Variants in METTL8 observed in about 807,000 individuals in gnomAD.
The protein encoded by METTL8 is tRNA N(3)-cytidine methyltransferase METTL8, mitochondrial.
METTL8 carries 32 observed loss-of-function variants against 48.7 expected under a neutral mutation model. The observed-to-expected ratio is 0.66, with a 90% CI of 0.50 to 0.88. The LOEUF (loss-of-function observed/expected upper bound fraction) is 0.88, where lower values mean the gene tolerates loss of function less well. Among genes scored for constraint, METTL8 ranks in the 40% least tolerant of loss-of-function variants. The pLI is 0.00. For missense variants in METTL8, 464 were observed against 474.4 expected, an observed-to-expected ratio of 0.98 and a Z score of 0.20; for synonymous variants, 136 against 157.1, an observed-to-expected ratio of 0.87 and a Z score of 1.01.
chr2:171,429,122 CAA>C (rs113670837), intron 1 of METTL8, among the ~76,000 whole-genome samples: 13 of 139,532 alleles, frequency 9.3e-5, no homozygotes, highest in African/African-American at 2.8e-4. Context: ...AAAAATCTTT[CAA>C]AAAAAAAAAA....
chr2:171,320,004 T>C lies in METTL8; in HGVS notation c.*4168A>G, dbSNP rs1459367347. 3.3e-5 allele frequency: 5 copies of C among 152,196 alleles called. No homozygotes were observed. The highest frequency in any genetic ancestry group is 1.2e-4 in the African/African-American group (5 of 41,454). 9.4% of individuals were successfully genotyped at this position (152,196 alleles called of 1,614,324 possible). A position where few individuals can be genotyped will look rare whatever the true frequency, so the allele number is the denominator to read the frequency against. ...GCCTAACCAACTGGTCCTAGCTTTA[T>C]GGATGTGAGGGGTAAATTAGAATTT... On this transcript the variant is annotated 3_prime_UTR_variant, in exon 10 of 10. Coordinates refer to ENST00000375258, the MANE Select transcript of METTL8 (RefSeq NM_001321154.2).
At chr2:171,404,760 G>A (rs1021579710) in intron 1 of METTL8, among the ~76,000 whole-genome samples, 2 of 152,088 alleles carry the variant, frequency 1.3e-5, no homozygotes, top group Admixed American at 6.6e-5. Flanking sequence ...TGGGACCAGG[G>A]CATGTGTAGC....
chr2:171,373,379 A>G (rs1686584337), intron 2 of METTL8, among the ~76,000 whole-genome samples: 1 of 152,174 alleles, frequency 6.6e-6, no homozygotes, highest in Non-Finnish European at 1.5e-5. Flanking sequence ...TCTGGATATT[A>G]GCCCTCTGTC....
At chr2:171,412,813 T>G (rs1368213225) in intron 1 of METTL8, among the ~76,000 whole-genome samples, 1 of 152,120 alleles carries the variant, frequency 6.6e-6, no homozygotes, top group Admixed American at 6.6e-5. Flanking sequence ...AACTTTGGTA[T>G]TTTCTCAAAA....
rs138279867 is a variant in METTL8, at chr2:171,359,357, T to G, written c.235+1065A>C. Reference sequence around the variant, plus strand: ...TAGCGTATATCAAAAAGACAGGGAATAATGAATGGATGCTGGTGAGGATGT... The same window carrying G: ...TAGCGTATATCAAAAAGACAGGGAAGAATGAATGGATGCTGGTGAGGATGT... On this transcript the variant is annotated intron_variant, in intron 3 of 9. Coordinates refer to ENST00000375258, the MANE Select transcript of METTL8 (RefSeq NM_001321154.2). Among the ~76,000 whole-genome samples the G allele has an allele frequency of 3.3e-4, 50 of 152,196 alleles. 1 individual carries two copies. The East Asian group carries it at 4.6e-3, about 14-fold the overall frequency.
At chr2:171,333,994 G>A (rs1685819018) in intron 5 of METTL8, among the ~76,000 whole-genome samples, 1 of 152,024 alleles carries the variant, frequency 6.6e-6, no homozygotes, top group Admixed American at 6.5e-5. Flanking sequence ...AATTGTTGTT[G>A]CTATTATTAT....
At chr2:171,393,860 T>C (rs1197899281) in intron 1 of METTL8, among the ~76,000 whole-genome samples, 1 of 152,232 alleles carries the variant, frequency 6.6e-6, no homozygotes, top group Non-Finnish European at 1.5e-5. Context: ...CAGCTCTTTG[T>C]ACTTTTAAAC....
intron 1 of METTL8, among the ~76,000 whole-genome samples, chr2:171,431,595 A>C (rs745348830): frequency 6.6e-5 from 10 of 152,188 alleles, no homozygotes; most frequent in Admixed American, 1.3e-4. Flanking sequence ...TTGTTAGTGT[A>C]ATCTCATTCT....
intron 2 of METTL8, among the ~76,000 whole-genome samples, chr2:171,372,932 C>T (rs1399783957): frequency 5.9e-5 from 9 of 152,160 alleles, no homozygotes; most frequent in South Asian, 4.2e-4. Context: ...TGAATAGTGC[C>T]GCAATAAACA....
At chr2:171,333,361 G>A (rs1207212841) in intron 5 of METTL8, among the ~76,000 whole-genome samples, 2 of 152,172 alleles carry the variant, frequency 1.3e-5, no homozygotes, top group African/African-American at 2.4e-5. Context: ...GACTCCCAAA[G>A]TGCTGGGATT....
intron 1 of METTL8, among the ~76,000 whole-genome samples, chr2:171,397,585 A>C (rs1302254124): frequency 6.8e-6 from 1 of 146,612 alleles, no homozygotes; most frequent in African/African-American, 2.5e-5. Context: ...AGAGAGAGAG[A>C]GAGGGAAGGA....
rs200347847 is a variant in METTL8 at position 171,363,792 on chromosome 2, T to TTATATATATATATATATATATA, written c.144-3301_144-3280dup. Among the ~76,000 whole-genome samples, 237 of 97,378 alleles carry TTATATATATATATATATATATA rather than the reference T, an allele frequency of 2.4e-3. 4 individuals are homozygous for TTATATATATATATATATATATA. The highest frequency in any genetic ancestry group is 5.5e-3 in the African/African-American group (135 of 24,360). 63.9% of individuals were successfully genotyped at this position (97,378 alleles called of 152,430 possible). Reference sequence around the variant, plus strand: ...GGTTAAAAAAGTACATCCCCAAATTTTATATATATATATATATATATATCT... The same window carrying TTATATATATATATATATATATA: ...GGTTAAAAAAGTACATCCCCAAATTTTATATATATATATATATATATATATATATATATATATATATATATCT... On this transcript the variant is annotated intron_variant, in intron 2 of 9. Transcript: ENST00000375258.
chr2:171,324,419 C>G (rs1684720884), intron 9 of METTL8, 57 bp from the exon 10 acceptor site: 1 of 1,435,566 alleles, frequency 7.0e-7, no homozygotes, highest in African/African-American at 1.4e-5. Context: ...TGGGGGAGGT[C>G]AGGAGTAGAA....
chr2:171,341,552 TCC>T (rs1225121272), intron 3 of METTL8, among the ~76,000 whole-genome samples: 1 of 150,378 alleles, frequency 6.6e-6, no homozygotes, highest in Non-Finnish European at 1.5e-5. Context: ...TCCTTTTTTT[TCC>T]CTTTTTTTTT....
At chr2:171,389,897 CA>C (rs1350366003) in intron 2 of METTL8, among the ~76,000 whole-genome samples, 2 of 152,016 alleles carry the variant, frequency 1.3e-5, no homozygotes, top group East Asian at 1.9e-4. Context: ...CACTAAAAAA[CA>C]AACTTTCAAT....
rs980630272 is a variant in METTL8 at position 171,319,175 on chromosome 2, G to A, written c.*4997C>T. 3 of 152,166 alleles carry A rather than the reference G, an allele frequency of 2.0e-5. No homozygotes were observed. The highest frequency in any genetic ancestry group is 7.2e-5 in the African/African-American group (3 of 41,450). The allele number at this position is 152,166 out of a possible 1,614,324, so 9.4% of individuals were successfully genotyped here. On this transcript the variant is annotated 3_prime_UTR_variant, in exon 10 of 10. Coordinates refer to ENST00000375258, the MANE Select transcript of METTL8 (RefSeq NM_001321154.2). ...AAAAAGTCACTGTTGCTGGAATACT[G>A]TGTGTACTGCCTTGTAGATTAATAA...
At chr2:171,413,587 ATATT>A (rs1374445714) in intron 1 of METTL8, among the ~76,000 whole-genome samples, 1 of 152,234 alleles carries the variant, frequency 6.6e-6, no homozygotes, top group Non-Finnish European at 1.5e-5. Flanking sequence ...GATTTAATAA[ATATT>A]TAAACAATTA....
At chr2:171,387,781 T>C (rs1688219586) in intron 2 of METTL8, among the ~76,000 whole-genome samples, 1 of 152,144 alleles carries the variant, frequency 6.6e-6, no homozygotes, top group Non-Finnish European at 1.5e-5. Context: ...TACCATATTG[T>C]ATAGTGTAGA....
At position 171,407,705 on chromosome 2, in the gene METTL8, A is replaced by G. The variant is rs563924936; in HGVS notation, c.-12-15508T>C. 5.3e-5 allele frequency among the ~76,000 whole-genome samples: 8 copies of G among 152,372 alleles called. No individual in the cohort carries two copies. The East Asian group carries it at 1.5e-3, about 29-fold the overall frequency. Reference sequence around the variant, plus strand: ...ACAGGGTTTGTCCAACCAAGGTCCTATGACAATTATTTAAATCGCATTTTT... The same window carrying G: ...ACAGGGTTTGTCCAACCAAGGTCCTGTGACAATTATTTAAATCGCATTTTT... On this transcript the variant is annotated intron_variant, in intron 1 of 9. Transcript: ENST00000375258.
Sources: allele counts gnomAD v4.1 joint callset (sites outside exome capture counted in the v4.1 genomes callset), GRCh38; gene constraint gnomAD v4.1.1; transcripts MANE v1.5; gene names NCBI Gene and HGNC (gene_info 2026-07-23, HGNC 2026-07-21).